ZNF106: variants seen among roughly 807,000 people sequenced by gnomAD.
ZNF106 encodes the protein SH3-domain binding protein 3.
A neutral mutation model predicts 195.1 loss-of-function variants in ZNF106; 67 were observed. That is an observed-to-expected ratio of 0.34 (90% CI 0.28 to 0.42). The LOEUF (loss-of-function observed/expected upper bound fraction) is 0.42, where lower values mean the gene tolerates loss of function less well. Among genes scored for constraint, ZNF106 ranks in the 10% least tolerant of loss-of-function variants. ZNF106 has a pLI of 1.00. For missense variants in ZNF106, 2,118 were observed against 2,304.5 expected, an observed-to-expected ratio of 0.92 and a Z score of 1.66; for synonymous variants, 784 against 818.6, an observed-to-expected ratio of 0.96 and a Z score of 0.72.
chr15:42,467,549 T>G (rs937718690), intron 2 of ZNF106, among the ~76,000 whole-genome samples: 18 of 151,874 alleles, frequency 1.2e-4, no homozygotes, highest in African/African-American at 4.4e-4. Context: ...CCCAGCACTT[T>G]GGGAGGCTGA....
At position 42,454,127 on chromosome 15, in the gene ZNF106, T is replaced by C. The variant is rs146309039; in HGVS notation, c.318-2173A>G. On this transcript the variant is annotated intron_variant, in intron 4 of 21. Coordinates refer to ENST00000564754, the MANE Select transcript of ZNF106 (RefSeq NM_001366845.3). ...ATCTTAAACTCAATACTGACTTTAA[T>C]TGGCTTTAAAGGCTTTCAATGTCTA... Among the ~76,000 whole-genome samples, 6 of 152,336 alleles carry C rather than the reference T, an allele frequency of 3.9e-5. No individual in the cohort carries two copies. In the East Asian group the frequency reaches 9.6e-4, roughly 24 times the overall value.
At chr15:42,423,626 C>A (rs1489352228) in intron 17 of ZNF106, among the ~76,000 whole-genome samples, 2 of 152,184 alleles carry the variant, frequency 1.3e-5, no homozygotes, top group East Asian at 1.9e-4. Context: ...GATCTTCCCA[C>A]CTCAGCCTTC....
At chr15:42,446,337 T>C (rs533036542) in intron 7 of ZNF106, among the ~76,000 whole-genome samples, 74 of 152,220 alleles carry the variant, frequency 4.9e-4, no homozygotes, top group African/African-American at 1.7e-3. Context: ...TCCTAACACT[T>C]TGGGAGGCCA....
chr15:42,485,775 CAA>C (rs1249055673), intron 1 of ZNF106, among the ~76,000 whole-genome samples: 12 of 152,114 alleles, frequency 7.9e-5, no homozygotes, highest in Admixed American at 7.9e-4. Context: ...CAACAATAAA[CAA>C]TGTGGTACGA....
intron 18 of ZNF106, 53 bp from the exon 19 acceptor site, chr15:42,422,041 T>C (rs2054679592): frequency 6.6e-7 from 1 of 1,508,258 alleles, no homozygotes; most frequent in East Asian, 2.3e-5. Flanking sequence ...TTGCGTTTAA[T>C]AAGTACAGTC....
intron 14 of ZNF106, 109 bp downstream of exon 14, chr15:42,435,275 A>G: frequency 6.8e-7 from 1 of 1,463,018 alleles, no homozygotes; most frequent in Non-Finnish European, 9.4e-7. Context: ...TAGAAGCAAA[A>G]AGGAGATGGT....
rs56924955 is a variant in ZNF106, at chr15:42,440,998, AATATATATATATATATATATATATATAT to A, written c.3763+1047_3763+1074del. 4.0e-3 allele frequency among the ~76,000 whole-genome samples: 94 copies of A among 23,588 alleles called. 7 individuals carry two copies. The South Asian group carries it at 0.041, about 10-fold the overall frequency. 15.5% of individuals were successfully genotyped at this position (23,588 alleles called of 152,430 possible). A position where few individuals can be genotyped will look rare whatever the true frequency, so the allele number is the denominator to read the frequency against. Reference sequence around the variant, plus strand: ...AAACTCTGTCTAAAAAAAAAAAAAAAATATATATATATATATATATATATATATATATATATATATATATATATATGCT... The same window carrying A: ...AAACTCTGTCTAAAAAAAAAAAAAAAATATATATATATATATATATATGCT... On this transcript the variant is annotated intron_variant, in intron 10 of 21. Coordinates refer to ENST00000564754, the MANE Select transcript of ZNF106 (RefSeq NM_001366845.3).
chr15:42,462,351 AC>A (rs1595481878), intron 3 of ZNF106, among the ~76,000 whole-genome samples: 1 of 152,244 alleles, frequency 6.6e-6, no homozygotes, highest in East Asian at 1.9e-4. Context: ...TAATCCCAGC[AC>A]TTTGGGAGGC....
chr15:42,446,438 G>A (rs1186661800), intron 7 of ZNF106, 151 bp downstream of exon 7: 1 of 664,534 alleles, frequency 1.5e-6, no homozygotes, highest in African/African-American at 1.9e-5. Flanking sequence ...AAGAATTAAT[G>A]TAGTGTCACA....
chr15:42,444,368 C>A (rs1378907811), intron 8 of ZNF106, 106 bp from the exon 9 acceptor site: 1 of 844,888 alleles, frequency 1.2e-6, no homozygotes, highest in Admixed American at 2.3e-5. Flanking sequence ...AGTGTCTTGA[C>A]TGCTCTGTGA....
rs547939167 is a variant in ZNF106, at chr15:42,454,739, A to T, written c.317+2219T>A. 2.1e-3 allele frequency among the ~76,000 whole-genome samples: 326 copies of T among 151,836 alleles called. 2 individuals are homozygous for T. Among genetic ancestry groups the T allele is most frequent in the African/African-American group, 6.8e-3 (283 of 41,404 alleles). Reference sequence around the variant, plus strand: ...TCTCTACCAAAAATAAAAATAAAAAAAAAAAAATTAGCCACGCATGGTGGC... The same window carrying T: ...TCTCTACCAAAAATAAAAATAAAAATAAAAAAATTAGCCACGCATGGTGGC... On this transcript the variant is annotated intron_variant, in intron 4 of 21. Transcript: ENST00000564754.
chr15:42,459,897 G>A (rs2056347589), intron 3 of ZNF106, among the ~76,000 whole-genome samples: 1 of 151,844 alleles, frequency 6.6e-6, no homozygotes, highest in Admixed American at 6.6e-5. Flanking sequence ...ACAAAAATTA[G>A]CCAGGCATGG....
rs183182373 is a variant in ZNF106, at chr15:42,454,946, G to A, written c.317+2012C>T. ...ATTTTATAAATAGGTCATCAAGGAG[G>A]CACATCAAAAGACTCAAAAAATAGT... On this transcript the variant is annotated intron_variant, in intron 4 of 21. Coordinates refer to ENST00000564754, the MANE Select transcript of ZNF106 (RefSeq NM_001366845.3). 2.2e-3 allele frequency among the ~76,000 whole-genome samples: 334 copies of A among 151,852 alleles called. 1 individual carries two copies. The highest frequency in any genetic ancestry group is 0.014 in the Middle Eastern group (4 of 294).
At chr15:42,441,863 A>T (rs755088035) in intron 10 of ZNF106, 2 of 414,390 alleles carry the variant, frequency 4.8e-6, no homozygotes, top group Non-Finnish European at 8.5e-6. Flanking sequence ...CCTAGATTAG[A>T]GGAAATGAAA....
intron 4 of ZNF106, among the ~76,000 whole-genome samples, chr15:42,452,982 C>T (rs1003282034): frequency 6.6e-6 from 1 of 152,164 alleles, no homozygotes; most frequent in African/African-American, 2.4e-5. Context: ...GCTTGAGCCA[C>T]TGCGCCCGGC....
intron 2 of ZNF106, among the ~76,000 whole-genome samples, chr15:42,471,856 T>C (rs147893442): frequency 2.0e-3 from 300 of 152,378 alleles, no homozygotes; most frequent in African/African-American, 6.6e-3. Flanking sequence ...GTACATATAA[T>C]AGATGCTATA....
Position 42,444,936 on chromosome 15 carries a change from T to C in ZNF106, c.3251A>G (p.Glu1084Gly). ...GCACTGCAATGACTTACTAAGTTCT[T>C]CCTCCCTTAAAGAAATATTCAGCAG... is the stretch of plus-strand genomic sequence containing the variant. ...DQLLNISLRE[E>G]ELSKSLQCMD... is the part of the protein sequence containing the mutation. Residue 1084 changes from glutamate (E) to glycine (G), a missense_variant, in exon 8 of 22, where the codon GAA (glutamate) becomes GGA (glycine). Transcript: ENST00000564754. 6.2e-7 allele frequency: 1 copy of C among 1,614,188 alleles called. No individual in the cohort carries two copies. Among genetic ancestry groups the C allele is most frequent in the Non-Finnish European group, 8.5e-7 (1 of 1,180,034 alleles).
intron 12 of ZNF106, among the ~76,000 whole-genome samples, chr15:42,437,902 CAAA>C (rs35756160): frequency 1.2e-4 from 10 of 81,078 alleles, no homozygotes; most frequent in African/African-American, 1.8e-4. Flanking sequence ...GACTCCGTCT[CAAA>C]AAAAAAAAAA....
rs2054456712 is a variant in ZNF106 at position 42,416,268 on chromosome 15, A to G, written c.*1036T>C. The G allele has an allele frequency of 1.3e-5, 2 of 152,102 alleles. No individual in the cohort carries two copies. The highest frequency in any genetic ancestry group is 4.8e-5 in the African/African-American group (2 of 41,380). 9.4% of individuals were successfully genotyped at this position (152,102 alleles called of 1,614,324 possible). A position where few individuals can be genotyped will look rare whatever the true frequency, so the allele number is the denominator to read the frequency against. On this transcript the variant is annotated 3_prime_UTR_variant, in exon 22 of 22. Coordinates refer to ENST00000564754, the MANE Select transcript of ZNF106 (RefSeq NM_001366845.3). ...TAGGAAGTCTGCTTGAGGTCCTGAA[A>G]ACTGTATTCAGATGCTTTATTCTAA...
Sources: gnomAD v4.1 joint callset for allele counts (sites outside exome capture counted in the v4.1 genomes callset) on GRCh38, gnomAD v4.1.1 for gene constraint, MANE v1.5 for transcripts, NCBI Gene and HGNC (gene_info 2026-07-23, HGNC 2026-07-21) for gene names.